Variants in SLC30A4 observed in about 807,000 individuals in gnomAD.
SLC30A4 encodes probable proton-coupled zinc antiporter SLC30A4.
Under a neutral mutation model 41.7 loss-of-function variants are expected in SLC30A4, and 20 were observed. The ratio of observed to expected loss-of-function variants is 0.48; its 90% CI spans 0.34 to 0.70. The LOEUF is 0.70. SLC30A4 is among the 30% of genes least tolerant of loss of function. The pLI is 0.01. For missense variants in SLC30A4, 441 were observed against 529.3 expected, an observed-to-expected ratio of 0.83 and a Z score of 1.64; for synonymous variants, 181 against 195.9, an observed-to-expected ratio of 0.92 and a Z score of 0.64.
intron 3 of SLC30A4, among the ~76,000 whole-genome samples, chr15:45,492,560 T>C (rs1388098726): frequency 6.6e-6 from 1 of 152,058 alleles, no homozygotes; most frequent in African/African-American, 2.4e-5. Flanking sequence ...ACGTTGTATA[T>C]AATAGCAAAT....
At position 45,484,695 on chromosome 15, in the gene SLC30A4, T is replaced by C. The variant is rs948962036; in HGVS notation, c.*468A>G. The stretch of plus-strand genomic sequence containing the variant: ...AACTACTAGTACTTCCTGAAATCTG[T>C]TGGGTAGTAATTTCTGTAAAAAGAA... On this transcript the variant is annotated 3_prime_UTR_variant, in exon 8 of 8. Transcript: ENST00000261867. The C allele has an allele frequency of 6.5e-6, 1 of 153,442 alleles. No individual in the cohort carries two copies. Among genetic ancestry groups the C allele is most frequent in the African/African-American group, 2.4e-5 (1 of 41,474 alleles). The allele number at this position is 153,442 out of a possible 1,614,324, so 9.5% of individuals were successfully genotyped here. A position where few individuals can be genotyped will look rare whatever the true frequency, so the allele number is the denominator to read the frequency against.
intron 3 of SLC30A4, among the ~76,000 whole-genome samples, chr15:45,496,279 T>A (rs1363717683): frequency 6.6e-6 from 1 of 152,150 alleles, no homozygotes; most frequent in Non-Finnish European, 1.5e-5. Context: ...CTTAACATGA[T>A]GGAATGCAGA....
intron 4 of SLC30A4, 51 bp from the exon 5 acceptor site, chr15:45,489,093 C>A: frequency 7.7e-7 from 1 of 1,300,454 alleles, no homozygotes; most frequent in South Asian, 1.3e-5. Context: ...TTGACAAAAA[C>A]ATTTGTCACT....
chr15:45,485,063 A>G lies in SLC30A4; in HGVS notation c.*100T>C. 1.2e-6 allele frequency: 1 copy of G among 863,178 alleles called. No individual in the cohort carries two copies. Among genetic ancestry groups the G allele is most frequent in the Non-Finnish European group, 1.8e-6 (1 of 552,520 alleles). 53.5% of individuals were successfully genotyped at this position (863,178 alleles called of 1,614,324 possible). On this transcript the variant is annotated 3_prime_UTR_variant, in exon 8 of 8. Coordinates refer to ENST00000261867, the MANE Select transcript of SLC30A4 (RefSeq NM_013309.6). Reference sequence around the variant, plus strand: ...AGAGACTGATGCTTGATACGGACACAGCTGTCAGGGATTCCATTTTCTCAT... The same window carrying G: ...AGAGACTGATGCTTGATACGGACACGGCTGTCAGGGATTCCATTTTCTCAT...
chr15:45,485,398 T>C, intron 7 of SLC30A4, 81 bp from the exon 8 acceptor site: 1 of 893,540 alleles, frequency 1.1e-6, no homozygotes, highest in South Asian at 1.8e-5. Flanking sequence ...ACAACTGAAA[T>C]ATACTGGGAA....
Position 45,479,833 on chromosome 15 carries a change from T to C in SLC30A4, c.*5330A>G, listed in dbSNP as rs1891579011. 1.4e-5 allele frequency: 2 copies of C among 143,658 alleles called. No homozygotes were observed. The highest frequency in any genetic ancestry group is 1.4e-4 in the Admixed American group (2 of 14,574). 8.9% of individuals were successfully genotyped at this position (143,658 alleles called of 1,614,324 possible). A position where few individuals can be genotyped will look rare whatever the true frequency, so the allele number is the denominator to read the frequency against. Reference sequence around the variant, plus strand: ...GAAATTACAATGTGAAAGTTGCAAATACAGCACATATATATATATATATAT... The same window carrying C: ...GAAATTACAATGTGAAAGTTGCAAACACAGCACATATATATATATATATAT... On this transcript the variant is annotated 3_prime_UTR_variant, in exon 8 of 8. Transcript: ENST00000261867.
At position 45,482,638 on chromosome 15, in the gene SLC30A4, A is replaced by G. The variant is rs936460688; in HGVS notation, c.*2525T>C. On this transcript the variant is annotated 3_prime_UTR_variant, in exon 8 of 8. Transcript: ENST00000261867. ...ATACTCAAAGTCCATAAATATGTCC[A>G]GATGTCCACTGAAATATCTCTCATT... The G allele has an allele frequency of 2.0e-5, 3 of 152,146 alleles. No individual in the cohort carries two copies. Among genetic ancestry groups the G allele is most frequent in the Non-Finnish European group, 1.5e-5 (1 of 68,022 alleles). The allele number at this position is 152,146 out of a possible 1,614,324, so 9.4% of individuals were successfully genotyped here.
chr15:45,519,062 GTA>G (rs1477153467), intron 2 of SLC30A4, among the ~76,000 whole-genome samples: 1 of 151,848 alleles, frequency 6.6e-6, no homozygotes, highest in Admixed American at 6.6e-5. Context: ...TGTATTTTTA[GTA>G]GAGATGGGGT....
At position 45,480,432 on chromosome 15, in the gene SLC30A4, A is replaced by G. The variant is rs1035529519; in HGVS notation, c.*4731T>C. On this transcript the variant is annotated 3_prime_UTR_variant, in exon 8 of 8. Transcript: ENST00000261867. ...ACACATCTGGAGTTAGGGTTTGCAA[A>G]TTGTATTTTGGCTACAAAGATATTA... The G allele has an allele frequency of 6.6e-6, 1 of 152,188 alleles. No homozygotes were observed. Among genetic ancestry groups the G allele is most frequent in the African/African-American group, 2.4e-5 (1 of 41,448 alleles). The allele number at this position is 152,188 out of a possible 1,614,324, so 9.4% of individuals were successfully genotyped here. A position where few individuals can be genotyped will look rare whatever the true frequency, so the allele number is the denominator to read the frequency against.
chr15:45,492,949 A>C (rs1364408483), intron 3 of SLC30A4, among the ~76,000 whole-genome samples: 1 of 152,208 alleles, frequency 6.6e-6, no homozygotes, highest in Non-Finnish European at 1.5e-5. Flanking sequence ...TCTTTTCAAA[A>C]TAACAAAAAG....
Position 45,522,015 on chromosome 15 carries a change from A to C in SLC30A4, c.340T>G (p.Leu114Val). 6.2e-7 allele frequency: 1 copy of C among 1,614,230 alleles called. No homozygotes were observed. The highest frequency in any genetic ancestry group is 8.5e-7 in the Non-Finnish European group (1 of 1,180,040). The stretch of plus-strand genomic sequence containing the variant: ...AAGTACAGAACGGCAGCAATGGTCA[A>C]CCTGGCTTTCACCTTTCTCTGCTTC... ...ILKQRKVKAR[L>V]TIAAVLYLLF... The change falls in exon 2 of 8, where the codon TTG becomes GTG. Residue 114 changes from leucine to valine, a missense_variant. This residue lies in a region of SLC30A4 where 312 missense variants were observed against 341.9 expected (regional missense o/e 0.91). Transcript: ENST00000261867.
chr15:45,512,843 A>T (rs564582440), intron 2 of SLC30A4, among the ~76,000 whole-genome samples: 2 of 152,260 alleles, frequency 1.3e-5, no homozygotes, highest in African/African-American at 4.8e-5. Context: ...AATGGCTAGT[A>T]AGGTTGGGGC....
At chr15:45,504,373 T>TA (rs907997334) in intron 3 of SLC30A4, among the ~76,000 whole-genome samples, 21 of 151,940 alleles carry the variant, frequency 1.4e-4, no homozygotes, top group African/African-American at 4.1e-4. Flanking sequence ...TTTAGTAACT[T>TA]AAAAAAAACA....
At chr15:45,506,256 A>C (rs1037794190) in intron 3 of SLC30A4, among the ~76,000 whole-genome samples, 6 of 152,186 alleles carry the variant, frequency 3.9e-5, no homozygotes, top group Non-Finnish European at 7.3e-5. Flanking sequence ...TGACTTTTGC[A>C]ACATGTTTTG....
intron 2 of SLC30A4, chr15:45,515,753 T>G (rs1166789983): frequency 6.6e-6 from 1 of 151,642 alleles, no homozygotes; most frequent in Non-Finnish European, 1.5e-5. Context: ...TCTTTTCTTT[T>G]TTTTTTTTCT....
intron 3 of SLC30A4, among the ~76,000 whole-genome samples, chr15:45,492,030 A>G (rs139344232): frequency 1.3e-5 from 2 of 152,284 alleles, no homozygotes; most frequent in African/African-American, 4.8e-5. Flanking sequence ...GCAAGGATCT[A>G]CCGGTGGAAG....
At chr15:45,486,880 A>G in intron 6 of SLC30A4, 135 bp from the exon 7 acceptor site, 1 of 534,916 alleles carries the variant, frequency 1.9e-6, no homozygotes, top group Non-Finnish European at 3.2e-6. Context: ...AAATATTAAT[A>G]CTTCAAGATA....
intron 3 of SLC30A4, among the ~76,000 whole-genome samples, chr15:45,498,256 T>C (rs566218599): frequency 3.3e-5 from 5 of 152,220 alleles, no homozygotes; most frequent in East Asian, 3.9e-4. Flanking sequence ...CTTCTTCCAA[T>C]AGAGGATAGG....
chr15:45,509,137 A>T (rs1052996958), intron 3 of SLC30A4, among the ~76,000 whole-genome samples: 3 of 152,226 alleles, frequency 2.0e-5, no homozygotes, highest in Non-Finnish European at 2.9e-5. Flanking sequence ...ATCTCAAAAA[A>T]ATTAATGTTT....
Sources: allele counts gnomAD v4.1 joint callset (sites outside exome capture counted in the v4.1 genomes callset), GRCh38; gene constraint gnomAD v4.1.1; regional missense constraint gnomAD v4.1.1; transcripts MANE v1.5; gene names NCBI Gene and HGNC (gene_info 2026-07-23, HGNC 2026-07-21).